Variants in OTUD7A observed in about 807,000 individuals in gnomAD.
The protein encoded by OTUD7A is OTU deubiquitinase 7A, also known as OTU domain-containing protein 7A.
OTUD7A carries 12 observed loss-of-function variants against 65.7 expected under a neutral mutation model. The observed-to-expected ratio is 0.18, with a 90% CI of 0.12 to 0.30. The LOEUF (loss-of-function observed/expected upper bound fraction) is 0.30, where lower values mean the gene tolerates loss of function less well. Ranked by LOEUF, OTUD7A falls within the 10% of genes least tolerant of loss-of-function variation. The pLI is 1.00. For synonymous variants in OTUD7A, 641 were observed against 586.3 expected, an observed-to-expected ratio of 1.09 and a Z score of -1.35; for missense variants, 1,148 against 1,304.8, an observed-to-expected ratio of 0.88 and a Z score of 1.85.
intron 1 of OTUD7A, among the ~76,000 whole-genome samples, chr15:31,726,466 A>G (rs183881482): frequency 6.4e-4 from 98 of 152,282 alleles, no homozygotes; most frequent in Non-Finnish European, 1.2e-3. Context: ...AGCTAAGAAG[A>G]AAGGAAGGAA....
intron 3 of OTUD7A, among the ~76,000 whole-genome samples, chr15:31,583,278 C>T (rs941988797): frequency 5.9e-5 from 9 of 152,176 alleles, no homozygotes; most frequent in African/African-American, 2.2e-4. Flanking sequence ...AAGATGAAGC[C>T]AGGCCACTTT....
chr15:31,753,735 A>C, intron 1 of OTUD7A, among the ~76,000 whole-genome samples: 1 of 125,098 alleles, frequency 8.0e-6, no homozygotes, highest in Middle Eastern at 4.0e-3. Flanking sequence ...ATATATATAT[A>C]TATATCTCAC....
intron 3 of OTUD7A, among the ~76,000 whole-genome samples, chr15:31,598,400 T>A (rs1479063009): frequency 1.3e-5 from 2 of 150,368 alleles, no homozygotes; most frequent in African/African-American, 4.9e-5. Flanking sequence ...GTACAAGGGG[T>A]CGGGGAATTC....
In OTUD7A at chr15:31,813,494, C is replaced by A. The variant is rs976307934; in HGVS notation, c.-100+57013G>T. Among the ~76,000 whole-genome samples the A allele has an allele frequency of 2.2e-4, 33 of 152,170 alleles. 1 individual carries two copies. Among genetic ancestry groups the A allele is most frequent in the Admixed American group, 1.8e-3 (27 of 15,276 alleles). The stretch of plus-strand genomic sequence containing the variant: ...TCGTGTCTTACCCTCCCCATAAACA[C>A]TGGGTCTGATAAATGTGTGGGGGAG... On this transcript the variant is annotated intron_variant, in intron 1 of 12. Transcript: ENST00000307050.
At position 31,503,733 on chromosome 15, in the gene OTUD7A, C is replaced by T. The variant is rs539693104; in HGVS notation, c.979G>A (p.Val327Ile). ...VLAHILRRPI[V>I]VVADTMLRDS... ...CTTAACATTGTATCTGCCACAACAACGATGGGCCTTCTTAATATATGGGCT... is the reference window on the plus strand; with the variant it reads ...CTTAACATTGTATCTGCCACAACAATGATGGGCCTTCTTAATATATGGGCT... The change falls in exon 9 of 13, where the codon GTT (valine) becomes ATT (isoleucine). Residue 327 changes from valine to isoleucine, a missense_variant. By Grantham distance (29) the Val-to-Ile change is conservative. Coordinates refer to ENST00000307050, the MANE Select transcript of OTUD7A (RefSeq NM_001382637.1). 1.4e-5 allele frequency: 23 copies of T among 1,614,166 alleles called. No homozygotes were observed. In the Admixed American group the frequency reaches 1.5e-4, roughly 11 times the overall value.
rs951419893 is a variant in OTUD7A, at chr15:31,481,638, A to C, written c.*1656T>G. On this transcript the variant is annotated 3_prime_UTR_variant, in exon 13 of 13. Coordinates refer to ENST00000307050, the MANE Select transcript of OTUD7A (RefSeq NM_001382637.1). ...TGCAAAACTTGAACAAATTACTGAAAACTCCACCTGCTGTGGAATAATTAA... is the reference window on the plus strand; with the variant it reads ...TGCAAAACTTGAACAAATTACTGAACACTCCACCTGCTGTGGAATAATTAA... 2.0e-5 allele frequency: 3 copies of C among 152,450 alleles called. No homozygotes were observed. Among genetic ancestry groups the C allele is most frequent in the Middle Eastern group, 3.4e-3 (1 of 294 alleles). 9.4% of individuals were successfully genotyped at this position (152,450 alleles called of 1,614,324 possible).
chr15:31,670,624 G>T (rs1373398199), intron 1 of OTUD7A, among the ~76,000 whole-genome samples: 1 of 151,284 alleles, frequency 6.6e-6, no homozygotes, highest in African/African-American at 2.5e-5. Flanking sequence ...TTTTTAATGG[G>T]TTTGTTTCTT....
chr15:31,571,297 T>A (rs1055663101), intron 3 of OTUD7A, among the ~76,000 whole-genome samples: 2 of 152,194 alleles, frequency 1.3e-5, no homozygotes, highest in Non-Finnish European at 2.9e-5. Flanking sequence ...TCTCTTCTCA[T>A]CTTTTCCATT....
chr15:31,701,877 T>C (rs1356031655), intron 1 of OTUD7A, among the ~76,000 whole-genome samples: 2 of 151,744 alleles, frequency 1.3e-5, no homozygotes, highest in African/African-American at 2.4e-5. Context: ...ATATCCCTCA[T>C]GAATATAGAT....
intron 3 of OTUD7A, among the ~76,000 whole-genome samples, chr15:31,633,541 T>A (rs1891243526): frequency 6.6e-6 from 1 of 152,144 alleles, no homozygotes; most frequent in Admixed American, 6.5e-5. Flanking sequence ...GCCCTCAAAA[T>A]GGTCGATCCA....
At chr15:31,767,311 A>G (rs995117692) in intron 1 of OTUD7A, 1 of 793,102 alleles carries the variant, frequency 1.3e-6, no homozygotes, top group African/African-American at 1.7e-5. Flanking sequence ...GATGCAACCA[A>G]AATGTTCACA....
At chr15:31,632,089 C>T (rs149713023) in intron 3 of OTUD7A, among the ~76,000 whole-genome samples, 2,029 of 152,272 alleles carry the variant, frequency 0.013, 27 homozygotes, top group Middle Eastern at 0.041. Flanking sequence ...TCTCTCAGCT[C>T]GTCAAAGTCA....
chr15:31,850,789 A>C (rs1451076701), intron 1 of OTUD7A, among the ~76,000 whole-genome samples: 1 of 152,166 alleles, frequency 6.6e-6, no homozygotes, highest in African/African-American at 2.4e-5. Flanking sequence ...GTTAACATGC[A>C]AAGCGGCCCA....
intron 1 of OTUD7A, among the ~76,000 whole-genome samples, chr15:31,833,063 C>A (rs187507981): frequency 1.3e-5 from 2 of 152,336 alleles, no homozygotes; most frequent in African/African-American, 4.8e-5. Context: ...TCCTTACCAG[C>A]ACTTATTTTC....
chr15:31,734,233 C>T (rs1003070790), intron 1 of OTUD7A, among the ~76,000 whole-genome samples: 5 of 152,112 alleles, frequency 3.3e-5, no homozygotes, highest in African/African-American at 1.2e-4. Context: ...AAATACAAAA[C>T]ACTGCTTAAA....
At chr15:31,815,914 T>TCC (rs1896537037) in intron 1 of OTUD7A, among the ~76,000 whole-genome samples, 1 of 152,086 alleles carries the variant, frequency 6.6e-6, no homozygotes, top group African/African-American at 2.4e-5. Context: ...GGGAGAAAGG[T>TCC]CCCCACCATG....
chr15:31,717,473 G>A (rs1893621636), intron 1 of OTUD7A, among the ~76,000 whole-genome samples: 2 of 152,192 alleles, frequency 1.3e-5, no homozygotes, highest in Non-Finnish European at 2.9e-5. Context: ...TCCCACTTAT[G>A]AGTGAGAACA....
chr15:31,646,368 G>A (rs4611414), intron 3 of OTUD7A, among the ~76,000 whole-genome samples: 35,638 of 150,396 alleles, frequency 0.24, 3,537 homozygotes, highest in African/African-American at 0.3. Flanking sequence ...GATGAATACG[G>A]CTGGCTTTCC....
intron 3 of OTUD7A, among the ~76,000 whole-genome samples, chr15:31,628,036 G>A (rs897390853): frequency 6.6e-6 from 1 of 151,932 alleles, no homozygotes; most frequent in Non-Finnish European, 1.5e-5. Flanking sequence ...CTCCCATTTT[G>A]TAGGCTGCCT....
Sources: gnomAD v4.1 joint callset for allele counts (sites outside exome capture counted in the v4.1 genomes callset) on GRCh38, gnomAD v4.1.1 for gene constraint, MANE v1.5 for transcripts, NCBI Gene and HGNC (gene_info 2026-07-23, HGNC 2026-07-21) for gene names.